Variants in IL1RAPL2 observed in about 807,000 individuals in gnomAD.
IL1RAPL2 encodes the protein X-linked interleukin-1 receptor accessory protein-like 2.
A neutral mutation model predicts 44.1 loss-of-function variants in IL1RAPL2; 3 were observed. That is an observed-to-expected ratio of 0.07 (90% confidence interval 0.03 to 0.18). IL1RAPL2 has a LOEUF of 0.18. Among genes scored for constraint, IL1RAPL2 ranks in the 10% least tolerant of loss-of-function variants. The pLI is 1.00. For synonymous variants in IL1RAPL2, 181 were observed against 178.8 expected (o/e 1.01, Z -0.10); for missense variants, 391 against 496.4 (o/e 0.79, Z 2.02).
intron 2 of IL1RAPL2, among the ~76,000 whole-genome samples, chrX:104,971,876 T>A (rs190456812): frequency 1.3e-3 from 146 of 111,161 alleles, no homozygotes; most frequent in African/African-American, 4.7e-3. Flanking sequence ...CCAATGTACA[T>A]TCACCCCTGT....
chrX:105,562,173 A>G (rs559579893), intron 6 of IL1RAPL2, among the ~76,000 whole-genome samples: 1 of 111,878 alleles, frequency 8.9e-6, no homozygotes, highest in South Asian at 3.7e-4. Flanking sequence ...TATTAAGGTA[A>G]TAAACCACTT....
chrX:105,348,660 G>A (rs1301719998), intron 5 of IL1RAPL2, among the ~76,000 whole-genome samples: 18 of 111,691 alleles, frequency 1.6e-4, no homozygotes, highest in African/African-American at 5.8e-4. Flanking sequence ...CTGAGACAAT[G>A]TGTATTGCCA....
At position 105,031,010 on chromosome X, in the gene IL1RAPL2, G is replaced by C. The variant is rs765862238; in HGVS notation, c.83-164465G>C. 4.7e-3 allele frequency among the ~76,000 whole-genome samples: 521 copies of C among 110,358 alleles called. 3 individuals carry two copies. The highest frequency in any genetic ancestry group is 0.016 in the African/African-American group (501 of 30,368). Reference sequence around the variant, plus strand: ...ATTTTATTCTCTTTGAAGCAATTGTGAAAGGGAGTTCACTCATGATTTGGC... The same window carrying C: ...ATTTTATTCTCTTTGAAGCAATTGTCAAAGGGAGTTCACTCATGATTTGGC... On this transcript the variant is annotated intron_variant, in intron 2 of 10. Coordinates refer to ENST00000372582, the MANE Select transcript of IL1RAPL2 (RefSeq NM_017416.2).
At chrX:104,577,467 CAG>C (rs1928262715) in intron 1 of IL1RAPL2, among the ~76,000 whole-genome samples, 1 of 111,334 alleles carries the variant, frequency 9.0e-6, no homozygotes, top group Non-Finnish European at 1.9e-5. Flanking sequence ...GGATCCATCA[CAG>C]GGACAAAAGA....
At chrX:104,805,231 A>C (rs943093483) in intron 2 of IL1RAPL2, among the ~76,000 whole-genome samples, 1 of 111,836 alleles carries the variant, frequency 8.9e-6, no homozygotes, top group African/African-American at 3.3e-5. Flanking sequence ...GTTAATGCCT[A>C]GTGTTCCATT....
intron 6 of IL1RAPL2, chrX:105,676,196 C>G (rs901073504): frequency 9.0e-6 from 1 of 111,628 alleles, no homozygotes; most frequent in East Asian, 2.8e-4. Context: ...GCTTCTAAAA[C>G]GATTTTTAAA....
intron 2 of IL1RAPL2, among the ~76,000 whole-genome samples, chrX:104,784,830 C>A (rs867209790): frequency 9.2e-6 from 1 of 108,989 alleles, no homozygotes; most frequent in South Asian, 4.1e-4. Context: ...TCCCTGAAGA[C>A]CCCCAGAAGG....
In IL1RAPL2 at chrX:104,628,481, A is replaced by G. The variant is rs145495751; in HGVS notation, c.-19-30414A>G. 4.2e-3 allele frequency among the ~76,000 whole-genome samples: 469 copies of G among 111,328 alleles called. 4 individuals are homozygous for G. The highest frequency in any genetic ancestry group is 0.014 in the African/African-American group (440 of 30,668). On this transcript the variant is annotated intron_variant, in intron 1 of 10. Transcript: ENST00000372582. ...TGTGCCTGGCTTATTTAACTTAATG[A>G]CCTCACATTCCATCCATGTTGCTGC...
intron 3 of IL1RAPL2, among the ~76,000 whole-genome samples, chrX:105,209,103 C>T (rs28406094): frequency 0.019 from 2,164 of 111,615 alleles, 50 homozygotes; most frequent in African/African-American, 0.067. Flanking sequence ...ATATTGGCAA[C>T]GCCAGTATTT....
intron 2 of IL1RAPL2, among the ~76,000 whole-genome samples, chrX:104,741,220 A>G (rs1284370479): frequency 9.0e-6 from 1 of 111,535 alleles, no homozygotes; most frequent in Non-Finnish European, 1.9e-5. Context: ...GAGTTTCTCT[A>G]GTACATTTAA....
intron 2 of IL1RAPL2, among the ~76,000 whole-genome samples, chrX:104,975,557 A>G (rs983644309): frequency 8.9e-6 from 1 of 112,869 alleles, no homozygotes; most frequent in African/African-American, 3.2e-5. Context: ...AAATCAAAGA[A>G]CATGGTAAAC....
At chrX:105,158,442 C>T (rs2033290797) in intron 2 of IL1RAPL2, among the ~76,000 whole-genome samples, 2 of 112,307 alleles carry the variant, frequency 1.8e-5, no homozygotes, top group South Asian at 7.3e-4. Flanking sequence ...TTGATTCTTA[C>T]CTTTCCCTCA....
intron 2 of IL1RAPL2, among the ~76,000 whole-genome samples, chrX:104,892,020 G>T (rs1923464870): frequency 1.8e-5 from 2 of 111,537 alleles, no homozygotes; most frequent in African/African-American, 3.3e-5. Flanking sequence ...GTTGAATTTT[G>T]TGACAGGCCT....
intron 4 of IL1RAPL2, among the ~76,000 whole-genome samples, chrX:105,239,556 CGGTTATCCATGTATAAGGCT>C (rs1474387872): frequency 9.0e-6 from 1 of 111,007 alleles, no homozygotes; most frequent in Non-Finnish European, 1.9e-5. Context: ...TCAAGGCATA[CGGTTATCCATGTATAAGGCT>C]GGTTATCCAT....
At chrX:104,582,822 C>CTTTCTTTCTT (rs748809592) in intron 1 of IL1RAPL2, among the ~76,000 whole-genome samples, 10 of 40,656 alleles carry the variant, frequency 2.5e-4, no homozygotes, top group Admixed American at 4.1e-4. Flanking sequence ...TCCTTTCTTT[C>CTTTCTTTCTT]TCTTTCTTTC....
chrX:105,156,845 A>T (rs1048224323), intron 2 of IL1RAPL2, among the ~76,000 whole-genome samples: 1 of 111,648 alleles, frequency 9.0e-6, no homozygotes, highest in African/African-American at 3.3e-5. Flanking sequence ...CTAGAAACAT[A>T]CAATTACACG....
At chrX:104,838,862 T>C (rs1474855972) in intron 2 of IL1RAPL2, among the ~76,000 whole-genome samples, 2 of 87,671 alleles carry the variant, frequency 2.3e-5, no homozygotes, top group Admixed American at 2.7e-4. Context: ...TTTTTTTTTT[T>C]TTTTTGAGGC....
intron 2 of IL1RAPL2, among the ~76,000 whole-genome samples, chrX:105,088,767 A>C (rs1437844931): frequency 9.0e-6 from 1 of 111,527 alleles, no homozygotes; most frequent in Non-Finnish European, 1.9e-5. Flanking sequence ...ACATCAATAA[A>C]GTAGGTAATA....
intron 2 of IL1RAPL2, among the ~76,000 whole-genome samples, chrX:104,856,939 G>A (rs1922381107): frequency 8.9e-6 from 1 of 111,887 alleles, no homozygotes; most frequent in Non-Finnish European, 1.9e-5. Flanking sequence ...AACTATTCTG[G>A]TTATTTCTAA....
Sources: gnomAD v4.1 joint callset for allele counts (sites outside exome capture counted in the v4.1 genomes callset) on GRCh38, gnomAD v4.1.1 for gene constraint, MANE v1.5 for transcripts, NCBI Gene and HGNC (gene_info 2026-07-23, HGNC 2026-07-21) for gene names.